The following SUGCT variants were observed in gnomAD, a reference collection of about 807,000 sequenced individuals.
SUGCT encodes the protein succinyl-CoA:glutarate-CoA transferase.
A neutral mutation model predicts 55.0 loss-of-function variants in SUGCT; 41 were observed. The ratio of observed to expected loss-of-function variants is 0.74; its 90% CI spans 0.58 to 0.97. SUGCT has a LOEUF of 0.97. Among genes scored for constraint, SUGCT ranks in the 50% least tolerant of loss-of-function variants. The pLI is 0.00. For missense variants in SUGCT, 568 were observed against 547.8 expected (o/e 1.04, Z -0.37); for synonymous variants, 187 against 200.4 (o/e 0.93, Z 0.56).
intron 7 of SUGCT, among the ~76,000 whole-genome samples, chr7:40,253,646 T>C (rs1790597935): frequency 6.6e-6 from 1 of 152,058 alleles, no homozygotes; most frequent in Admixed American, 6.6e-5. Context: ...CACTGCAACC[T>C]CCGCCTCCCG....
At chr7:40,607,310 C>T (rs1482419450) in intron 12 of SUGCT, among the ~76,000 whole-genome samples, 1 of 152,022 alleles carries the variant, frequency 6.6e-6, no homozygotes, top group Non-Finnish European at 1.5e-5. Flanking sequence ...CACTATATTG[C>T]CCAGGCTGGT....
At chr7:40,448,961 TAGAGAGAGAG>T (rs1163648397) in intron 9 of SUGCT, among the ~76,000 whole-genome samples, 2 of 144,080 alleles carry the variant, frequency 1.4e-5, no homozygotes, top group East Asian at 2.0e-4. Flanking sequence ...TATATATATA[TAGAGAGAGAG>T]AGAGAGAGAG....
At chr7:40,520,564 T>G (rs981810581) in intron 12 of SUGCT, among the ~76,000 whole-genome samples, 1 of 152,182 alleles carries the variant, frequency 6.6e-6, no homozygotes, top group African/African-American at 2.4e-5. Context: ...CACAGAATGC[T>G]ACAACACAGG....
chr7:40,806,806 G>T (rs1219060995), intron 13 of SUGCT, among the ~76,000 whole-genome samples: 2 of 152,170 alleles, frequency 1.3e-5, no homozygotes, highest in East Asian at 3.9e-4. Context: ...GTCAGCTGAG[G>T]TAGAGGCTGG....
intron 11 of SUGCT, among the ~76,000 whole-genome samples, chr7:40,481,950 G>A (rs1791076715): frequency 1.3e-5 from 2 of 152,000 alleles, no homozygotes; most frequent in Admixed American, 1.3e-4. Flanking sequence ...TGGCAATCTT[G>A]GAGATGAGGA....
intron 3 of SUGCT, among the ~76,000 whole-genome samples, chr7:40,182,578 A>AAAG (rs1269888228): frequency 6.6e-6 from 1 of 150,840 alleles, no homozygotes; most frequent in African/African-American, 2.4e-5. Flanking sequence ...AAAAAAAAAA[A>AAAG]TGAAAAAAAA....
At chr7:40,776,604 C>T (rs1020113680) in intron 13 of SUGCT, among the ~76,000 whole-genome samples, 14 of 152,086 alleles carry the variant, frequency 9.2e-5, no homozygotes, top group South Asian at 4.1e-4. Flanking sequence ...TTACTTTCTA[C>T]GTATTATTTC....
Position 40,318,498 on chromosome 7 carries a change from A to G in SUGCT, c.816+1643A>G, listed in dbSNP as rs560118824. Among the ~76,000 whole-genome samples the G allele has an allele frequency of 6.6e-4, 100 of 152,354 alleles. 2 individuals carry two copies. The South Asian group carries it at 0.018, about 27-fold the overall frequency. On this transcript the variant is annotated intron_variant, in intron 9 of 13. Coordinates refer to ENST00000335693, the MANE Select transcript of SUGCT (RefSeq NM_001193313.2). ...GTTGCCTATGTGGGTGTGCAGTGGC[A>G]CGATCTCAGCTCCCTGCAACCTCCA... is the stretch of plus-strand genomic sequence containing the variant.
intron 11 of SUGCT, among the ~76,000 whole-genome samples, chr7:40,484,101 G>T (rs1361152031): frequency 1.3e-5 from 2 of 152,150 alleles, no homozygotes; most frequent in African/African-American, 4.8e-5. Context: ...TAAGCAACTT[G>T]CCCATGGTCA....
At chr7:40,142,369 G>A (rs888771544) in intron 1 of SUGCT, among the ~76,000 whole-genome samples, 2 of 152,100 alleles carry the variant, frequency 1.3e-5, no homozygotes, top group Admixed American at 6.5e-5. Context: ...ATTTCCTTAC[G>A]GCTCTTTTTC....
intron 9 of SUGCT, among the ~76,000 whole-genome samples, chr7:40,432,929 T>C (rs964700215): frequency 6.6e-6 from 1 of 152,126 alleles, no homozygotes; most frequent in African/African-American, 2.4e-5. Context: ...TGTGAACTTA[T>C]ATAATGTGCC....
intron 9 of SUGCT, among the ~76,000 whole-genome samples, chr7:40,387,155 C>T (rs375447239): frequency 6.6e-6 from 1 of 152,154 alleles, no homozygotes; most frequent in South Asian, 2.1e-4. Flanking sequence ...ATGCAAATTA[C>T]TAAATGTGAT....
chr7:40,485,330 T>A (rs969591411), intron 11 of SUGCT, among the ~76,000 whole-genome samples: 2 of 151,464 alleles, frequency 1.3e-5, no homozygotes, highest in African/African-American at 4.8e-5. Flanking sequence ...TTTGAAGGAA[T>A]GTAGAAAACA....
intron 6 of SUGCT, among the ~76,000 whole-genome samples, chr7:40,212,842 A>C (rs1158836729): frequency 6.6e-6 from 1 of 152,126 alleles, no homozygotes; most frequent in Non-Finnish European, 1.5e-5. Flanking sequence ...CTATAGTTGA[A>C]GATTTTAATG....
At chr7:40,245,532 C>T (rs57481873) in intron 7 of SUGCT, among the ~76,000 whole-genome samples, 4,565 of 139,920 alleles carry the variant, frequency 0.033, 272 homozygotes, top group African/African-American at 0.12. Context: ...CCCTGCCTCC[C>T]GGGTTCATGC....
chr7:40,968,264 T>C, the SUGCT span: 1 of 152,324 alleles, frequency 6.6e-6, no homozygotes, highest in African/African-American at 2.4e-5. Context: ...CAACAAATAA[T>C]TTACAACAAC....
At chr7:40,323,453 AGTG>A (rs1795852750) in intron 9 of SUGCT, among the ~76,000 whole-genome samples, 1 of 152,132 alleles carries the variant, frequency 6.6e-6, no homozygotes, top group South Asian at 2.1e-4. Flanking sequence ...AGGCTGGAGT[AGTG>A]GTGTGATCAT....
the SUGCT span, among the ~76,000 whole-genome samples, chr7:40,998,028 CTG>C: frequency 6.6e-6 from 1 of 152,100 alleles, no homozygotes; most frequent in South Asian, 2.1e-4. Context: ...AGTGGCCTCT[CTG>C]TAGTTTTAAG....
At chr7:40,225,119 T>G (rs562381875) in intron 6 of SUGCT, among the ~76,000 whole-genome samples, 71 of 152,226 alleles carry the variant, frequency 4.7e-4, no homozygotes, top group Non-Finnish European at 7.6e-4. Context: ...CTTTATATAT[T>G]AGCGTTCCCA....
Sources: gnomAD v4.1 joint callset for allele counts (sites outside exome capture counted in the v4.1 genomes callset) on GRCh38, gnomAD v4.1.1 for gene constraint, MANE v1.5 for transcripts, NCBI Gene and HGNC (gene_info 2026-07-23, HGNC 2026-07-21) for gene names.